Variants in KCNK9 observed in about 807,000 individuals in gnomAD.
KCNK9 encodes the protein potassium channel subfamily K member 9.
In KCNK9, 1 loss-of-function variant was observed where a neutral mutation model predicts 10.8. That is an observed-to-expected ratio of 0.09 (90% confidence interval 0.03 to 0.44). KCNK9 has a LOEUF of 0.44. KCNK9 is among the 20% of genes least tolerant of loss of function. The probability of loss-of-function intolerance (pLI) is 0.97; values close to 1 mark genes in which losing one functional copy is unlikely to be tolerated. For synonymous variants in KCNK9, 231 were observed against 222.7 expected, an observed-to-expected ratio of 1.04 and a Z score of -0.33; for missense variants, 303 against 515.0, an observed-to-expected ratio of 0.59 and a Z score of 3.98.
At position 139,619,073 on chromosome 8, in the gene KCNK9, C is replaced by A. The variant is rs1237927464; in HGVS notation, c.310G>T (p.Asp104Tyr). The change falls in exon 2 of 2, where the codon GAT becomes TAT. Residue 104 changes from aspartate (D) to tyrosine (Y), a missense_variant. Physicochemically the swap from Asp to Tyr is radical, Grantham distance 160. Transcript: ENST00000520439. ...AACATGCAGAAGGCCTTGCCCGCATCGGTGCCAGGTGCAGCGTGCCCATAA... is the reference window on the plus strand; with the variant it reads ...AACATGCAGAAGGCCTTGCCCGCATAGGTGCCAGGTGCAGCGTGCCCATAA... Reference protein sequence around the residue: ...IGYGHAAPGTDAGKAFCMFYA... With the variant: ...IGYGHAAPGTYAGKAFCMFYA... The A allele has an allele frequency of 1.9e-6, 3 of 1,614,004 alleles. No homozygotes were observed. Among genetic ancestry groups the A allele is most frequent in the Non-Finnish European group, 2.5e-6 (3 of 1,180,040 alleles).
At chr8:139,620,128 C>A (rs1325883732) in intron 1 of KCNK9, among the ~76,000 whole-genome samples, 1 of 152,232 alleles carries the variant, frequency 6.6e-6, no homozygotes, top group Non-Finnish European at 1.5e-5. Context: ...AATGTCAGAG[C>A]CAGGATGGGA....
chr8:139,622,745 T>G (rs1022537161), intron 1 of KCNK9, among the ~76,000 whole-genome samples: 2 of 152,188 alleles, frequency 1.3e-5, no homozygotes, highest in African/African-American at 2.4e-5. Flanking sequence ...TTAACAAATG[T>G]GCTTATGATA....
intron 1 of KCNK9, among the ~76,000 whole-genome samples, chr8:139,698,389 A>T (rs1817118807): frequency 6.6e-6 from 1 of 152,208 alleles, no homozygotes; most frequent in Non-Finnish European, 1.5e-5. Context: ...TAGGGCCTGG[A>T]GCAGAAAACA....
chr8:139,629,942 T>C (rs1815107368), intron 1 of KCNK9, among the ~76,000 whole-genome samples: 1 of 151,846 alleles, frequency 6.6e-6, no homozygotes, highest in Non-Finnish European at 1.5e-5. Context: ...GTTCAGTCCA[T>C]AACCCTGAGT....
chr8:139,639,326 C>A (rs776629449), intron 1 of KCNK9, among the ~76,000 whole-genome samples: 1 of 152,224 alleles, frequency 6.6e-6, no homozygotes, highest in Admixed American at 6.5e-5. Flanking sequence ...AAGGTGGAGA[C>A]CACTAGCAAG....
At chr8:139,652,404 C>A (rs1165297608) in intron 1 of KCNK9, among the ~76,000 whole-genome samples, 1 of 152,204 alleles carries the variant, frequency 6.6e-6, no homozygotes. Context: ...GATTCTGTGT[C>A]CTTGTTCTCT....
downstream of KCNK9, among the ~76,000 whole-genome samples, chr8:139,614,701 C>G (rs746314537): frequency 6.6e-6 from 1 of 152,210 alleles, no homozygotes; most frequent in Non-Finnish European, 1.5e-5. Flanking sequence ...ACAGCACTTT[C>G]CACCCAGGAT....
At chr8:139,633,181 G>A (rs1268482825) in intron 1 of KCNK9, among the ~76,000 whole-genome samples, 4 of 151,966 alleles carry the variant, frequency 2.6e-5, no homozygotes, top group Non-Finnish European at 4.4e-5. Flanking sequence ...TCACATACAC[G>A]AATATACACA....
At chr8:139,605,656 GA>G (rs1311849603) in intron 2 of KCNK9, among the ~76,000 whole-genome samples, 3 of 152,152 alleles carry the variant, frequency 2.0e-5, no homozygotes, top group South Asian at 2.1e-4. Flanking sequence ...GATTTTAATG[GA>G]AAAAAATTAG....
At chr8:139,628,500 G>A (rs906935872) in intron 1 of KCNK9, among the ~76,000 whole-genome samples, 23 of 152,128 alleles carry the variant, frequency 1.5e-4, no homozygotes, top group Admixed American at 7.2e-4. Flanking sequence ...TGTTCATGCC[G>A]ACCAGGCAGG....
intron 1 of KCNK9, among the ~76,000 whole-genome samples, chr8:139,687,247 T>C (rs1222145942): frequency 6.6e-6 from 1 of 151,498 alleles, no homozygotes; most frequent in Non-Finnish European, 1.5e-5. Flanking sequence ...CTCTTAGACA[T>C]GGGGCTAAGG....
intron 1 of KCNK9, among the ~76,000 whole-genome samples, chr8:139,635,276 TCAA>T (rs910505267): frequency 1.7e-4 from 26 of 152,182 alleles, no homozygotes; most frequent in African/African-American, 5.8e-4. Context: ...TCCCGTATCA[TCAA>T]CAAGAAAACG....
At chr8:139,687,343 T>C (rs1009954759) in intron 1 of KCNK9, among the ~76,000 whole-genome samples, 1 of 147,472 alleles carries the variant, frequency 6.8e-6, no homozygotes. Context: ...TTTTCATACA[T>C]ATATATATAT....
At chr8:139,685,625 T>C (rs1208365657) in intron 1 of KCNK9, among the ~76,000 whole-genome samples, 4 of 152,260 alleles carry the variant, frequency 2.6e-5, no homozygotes, top group African/African-American at 7.2e-5. Flanking sequence ...TAGTTTTTTA[T>C]GGCTGCATAG....
At chr8:139,605,062 T>C (rs1817456076) in intron 2 of KCNK9, among the ~76,000 whole-genome samples, 1 of 152,156 alleles carries the variant, frequency 6.6e-6, no homozygotes, top group Non-Finnish European at 1.5e-5. Context: ...GGAGCCCCAA[T>C]ACTTGGGCAG....
chr8:139,623,179 GCCTCTAAGCTCTTCCCAAGAGGAGAATGA>G (rs1814848763), intron 1 of KCNK9, among the ~76,000 whole-genome samples: 2 of 152,154 alleles, frequency 1.3e-5, no homozygotes. Context: ...ACACAAGATG[GCCTCTAAGCTCTTCCCAAGAGGAGAATGA>G]GGTACAAATC....
exon 3 of KCNK9, chr8:139,601,414 T>C (rs1486141334): frequency 1.3e-5 from 2 of 152,202 alleles, no homozygotes; most frequent in African/African-American, 4.8e-5. Flanking sequence ...ACTGGTTCCT[T>C]ACAGCCACCA....
At chr8:139,608,845 C>T (rs1359452104), downstream of KCNK9, among the ~76,000 whole-genome samples, 1 of 152,182 alleles carries the variant, frequency 6.6e-6, no homozygotes, top group Admixed American at 6.5e-5. Context: ...CTGAACGTGG[C>T]TCTTGGCTTA....
chr8:139,672,289 C>T (rs73360052), intron 1 of KCNK9, among the ~76,000 whole-genome samples: 2,868 of 152,244 alleles, frequency 0.019, 84 homozygotes, highest in African/African-American at 0.065. Flanking sequence ...GCTGGCACAA[C>T]GATTCCTTCC....
Sources: allele counts gnomAD v4.1 joint callset (sites outside exome capture counted in the v4.1 genomes callset), GRCh38; gene constraint gnomAD v4.1.1; transcripts MANE v1.5; gene names NCBI Gene and HGNC (gene_info 2026-07-23, HGNC 2026-07-21).